DIAPH2: variants seen among roughly 807,000 people sequenced by gnomAD.
The protein encoded by DIAPH2 is diaphanous related formin 2.
Under a neutral mutation model 92.7 loss-of-function variants are expected in DIAPH2, and 35 were observed. The observed-to-expected ratio is 0.38, with a 90% CI of 0.29 to 0.50. The LOEUF is 0.50. DIAPH2 is among the 20% of genes least tolerant of loss of function. The pLI is 0.94. For synonymous variants in DIAPH2, 301 were observed against 280.4 expected, an observed-to-expected ratio of 1.07 and a Z score of -0.73; for missense variants, 701 against 819.5, an observed-to-expected ratio of 0.86 and a Z score of 1.77.
At chrX:97,491,957 C>T (rs1183037486) in intron 26 of DIAPH2, among the ~76,000 whole-genome samples, 2 of 111,565 alleles carry the variant, frequency 1.8e-5, no homozygotes, top group East Asian at 5.6e-4. Flanking sequence ...AAGCTGCTGA[C>T]AACTTAACTG....
intron 26 of DIAPH2, among the ~76,000 whole-genome samples, chrX:97,523,883 A>G (rs1458220551): frequency 8.9e-6 from 1 of 111,809 alleles, no homozygotes; most frequent in African/African-American, 3.2e-5. Flanking sequence ...ATAAAATTTC[A>G]TATCAGAAAT....
At chrX:97,549,886 A>T (rs892188449) in intron 26 of DIAPH2, among the ~76,000 whole-genome samples, 1 of 112,318 alleles carries the variant, frequency 8.9e-6, no homozygotes, top group Admixed American at 9.5e-5. Context: ...GCTATAGTAC[A>T]TCTCCAAGTA....
At chrX:97,168,967 C>T (rs1237307035) in intron 22 of DIAPH2, among the ~76,000 whole-genome samples, 1 of 111,888 alleles carries the variant, frequency 8.9e-6, no homozygotes, top group African/African-American at 3.3e-5. Flanking sequence ...TGATTAGAAT[C>T]CACCCTTATG....
At chrX:97,402,663 C>T (rs959962687) in intron 25 of DIAPH2, among the ~76,000 whole-genome samples, 1 of 111,894 alleles carries the variant, frequency 8.9e-6, no homozygotes, top group Non-Finnish European at 1.9e-5. Flanking sequence ...CCAAACAGTT[C>T]TTTCTGATGA....
intron 22 of DIAPH2, among the ~76,000 whole-genome samples, chrX:97,227,148 G>C (rs960350632): frequency 1.6e-4 from 18 of 110,815 alleles, no homozygotes; most frequent in African/African-American, 5.9e-4. Context: ...GGTGGCAGGT[G>C]CTGGTAATCC....
intron 17 of DIAPH2, among the ~76,000 whole-genome samples, chrX:97,023,726 A>G (rs73551257): frequency 0.013 from 1,503 of 112,183 alleles, 23 homozygotes; most frequent in African/African-American, 0.046. Flanking sequence ...ATTTGCATTC[A>G]TACCTATAGA....
intron 22 of DIAPH2, among the ~76,000 whole-genome samples, chrX:97,231,185 G>A (rs1490196648): frequency 9.3e-6 from 1 of 107,133 alleles, no homozygotes; most frequent in East Asian, 3.0e-4. Context: ...GAGGTCTAAA[G>A]TAATTGTTTA....
chrX:96,876,607 G>T (rs921414478), intron 4 of DIAPH2, among the ~76,000 whole-genome samples: 1 of 111,512 alleles, frequency 9.0e-6, no homozygotes, highest in Non-Finnish European at 1.9e-5. Flanking sequence ...CATGTCCTTT[G>T]TAGGGACATG....
chrX:97,554,125 T>G (rs2071241160), intron 26 of DIAPH2, among the ~76,000 whole-genome samples: 1 of 111,782 alleles, frequency 8.9e-6, no homozygotes. Context: ...TAACAGCTGG[T>G]TCTGCTGTCA....
rs766955573 is a variant in DIAPH2 at position 96,890,794 on chromosome X, T to C, written c.587+9076T>C. On this transcript the variant is annotated intron_variant, in intron 5 of 26. Transcript: ENST00000324765. ...AGGCTCTAAGAAAGTCATTTTGGTA[T>C]ATTATTTTCTGCTAAAGCAAATACT... Among the ~76,000 whole-genome samples the C allele has an allele frequency of 1.5e-3, 169 of 112,272 alleles. 2 individuals carry two copies. Among genetic ancestry groups the C allele is most frequent in the Non-Finnish European group, 2.8e-3 (148 of 53,231 alleles).
chrX:96,729,304 C>G (rs2064040376), intron 1 of DIAPH2, among the ~76,000 whole-genome samples: 1 of 112,329 alleles, frequency 8.9e-6, no homozygotes, highest in African/African-American at 3.2e-5. Flanking sequence ...AACATTCTTT[C>G]TATACCTGTA....
At chrX:97,242,659 C>T (rs2068106062) in intron 22 of DIAPH2, among the ~76,000 whole-genome samples, 1 of 111,489 alleles carries the variant, frequency 9.0e-6, no homozygotes, top group African/African-American at 3.3e-5. Flanking sequence ...AGCCATGGCA[C>T]CTGGCCTCTA....
At chrX:97,418,823 C>A (rs1386826752) in intron 25 of DIAPH2, among the ~76,000 whole-genome samples, 4 of 111,684 alleles carry the variant, frequency 3.6e-5, no homozygotes, top group Non-Finnish European at 7.5e-5. Flanking sequence ...TGTGACTGTT[C>A]TTTTGGAACT....
chrX:97,553,113 T>C, intron 26 of DIAPH2, among the ~76,000 whole-genome samples: 1 of 112,407 alleles, frequency 8.9e-6, no homozygotes. Context: ...CCCATAATAC[T>C]GCATTTATCT....
intron 7 of DIAPH2, among the ~76,000 whole-genome samples, chrX:96,915,995 G>T (rs1358019181): frequency 9.0e-6 from 1 of 111,261 alleles, no homozygotes; most frequent in African/African-American, 3.2e-5. Flanking sequence ...GTATTCAAAA[G>T]AGCCTTTTAA....
At chrX:97,566,134 G>C (rs764129068) in intron 26 of DIAPH2, among the ~76,000 whole-genome samples, 3 of 111,890 alleles carry the variant, frequency 2.7e-5, no homozygotes, top group Admixed American at 1.9e-4. Context: ...AGACTAATGC[G>C]TGTTTTCCAG....
At chrX:97,056,295 G>T (rs867030861) in intron 17 of DIAPH2, among the ~76,000 whole-genome samples, 1 of 111,229 alleles carries the variant, frequency 9.0e-6, no homozygotes, top group Admixed American at 9.6e-5. Context: ...CATTCCTAAA[G>T]GTATTTTATG....
chrX:97,101,541 A>G (rs945759534), intron 20 of DIAPH2, among the ~76,000 whole-genome samples: 2 of 111,547 alleles, frequency 1.8e-5, no homozygotes. Context: ...AGTCAAGGAC[A>G]TTACAAACTA....
chrX:97,099,874 C>T, intron 20 of DIAPH2, 79 bp downstream of exon 20: 2 of 457,959 alleles, frequency 4.4e-6, no homozygotes, highest in East Asian at 8.7e-5. Context: ...ACAAACATTT[C>T]AGTTGTCAAT....
Sources: gnomAD v4.1 joint callset for allele counts (sites outside exome capture counted in the v4.1 genomes callset) on GRCh38, gnomAD v4.1.1 for gene constraint, MANE v1.5 for transcripts, NCBI Gene and HGNC (gene_info 2026-07-23, HGNC 2026-07-21) for gene names.